The following EYS variants were observed in gnomAD, a reference collection of about 807,000 sequenced individuals.
EYS encodes the protein EGF-like photoreceptor maintenance factor.
A neutral mutation model predicts 282.1 loss-of-function variants in EYS; 250 were observed. That is an observed-to-expected ratio of 0.89 (90% confidence interval 0.80 to 0.98). EYS has a LOEUF of 0.98. Ranked by LOEUF, EYS falls within the 50% of genes least tolerant of loss-of-function variation. EYS has a pLI of 0.00. For synonymous variants in EYS, 1,355 were observed against 1,282.9 expected (o/e 1.06, Z -1.20); for missense variants, 4,016 against 3,709.0 (o/e 1.08, Z -2.15).
chr6:65,574,316 A>G (rs1764582659), intron 2 of EYS, among the ~76,000 whole-genome samples: 1 of 152,160 alleles, frequency 6.6e-6, no homozygotes, highest in Non-Finnish European at 1.5e-5. Flanking sequence ...CTACACAAAG[A>G]CACGATATAA....
At chr6:65,400,389 C>T (rs889682554) in intron 7 of EYS, among the ~76,000 whole-genome samples, 1 of 151,960 alleles carries the variant, frequency 6.6e-6, no homozygotes, top group African/African-American at 2.4e-5. Context: ...TTCTATCTGT[C>T]TGATACCTCC....
chr6:65,086,027 CTT>C lies in EYS; in HGVS notation c.2024-28302_2024-28301del, dbSNP rs35717731. Among the ~76,000 whole-genome samples the C allele has an allele frequency of 2.3e-3, 323 of 137,546 alleles. 3 individuals carry two copies. Among genetic ancestry groups the C allele is most frequent in the African/African-American group, 7.0e-3 (242 of 34,634 alleles). The allele number at this position is 137,546 out of a possible 152,430, so 90.2% of individuals were successfully genotyped here. Reference sequence around the variant, plus strand: ...GCTTAATGTATCCTCACCTTCTCCTCTTTTTTTTTTTTTTTAAATCCTTCTCT... The same window carrying C: ...GCTTAATGTATCCTCACCTTCTCCTCTTTTTTTTTTTTTAAATCCTTCTCT... On this transcript the variant is annotated intron_variant, in intron 12 of 42. Coordinates refer to ENST00000503581, the MANE Select transcript of EYS (RefSeq NM_001142800.2).
chr6:64,933,435 T>C (rs1448722140), intron 15 of EYS, among the ~76,000 whole-genome samples: 2 of 152,080 alleles, frequency 1.3e-5, no homozygotes, highest in African/African-American at 4.8e-5. Flanking sequence ...CACAATGAGA[T>C]ACCATTTCAC....
intron 2 of EYS, among the ~76,000 whole-genome samples, chr6:65,555,497 GA>G (rs1405259383): frequency 6.6e-6 from 1 of 151,880 alleles, no homozygotes; most frequent in Non-Finnish European, 1.5e-5. Flanking sequence ...ATTTATTCAA[GA>G]AAAATGTTTA....
In EYS at chr6:63,747,468, G is replaced by T. The variant is rs568444327; in HGVS notation, c.8071+14993C>A. On this transcript the variant is annotated intron_variant, in intron 41 of 42. Coordinates refer to ENST00000503581, the MANE Select transcript of EYS (RefSeq NM_001142800.2). ...CTGTAGATGTCTATTAGGTCCTCTT[G>T]CTCCAGAGCTAAGTTCAAGTCCTGA... Among the ~76,000 whole-genome samples, 7 of 152,266 alleles carry T rather than the reference G, an allele frequency of 4.6e-5. No individual in the cohort carries two copies. The South Asian group carries it at 1.5e-3, about 32-fold the overall frequency.
chr6:65,682,804 A>G (rs1768882915), intron 1 of EYS, among the ~76,000 whole-genome samples: 1 of 151,982 alleles, frequency 6.6e-6, no homozygotes, highest in East Asian at 1.9e-4. Flanking sequence ...AAGGCCATGT[A>G]TATAGTAAAA....
chr6:64,891,303 A>G (rs555511696), intron 18 of EYS, among the ~76,000 whole-genome samples: 53 of 152,256 alleles, frequency 3.5e-4, no homozygotes, highest in African/African-American at 1.3e-3. Context: ...TTTACTCTAC[A>G]ACAGAGCAAC....
intron 26 of EYS, among the ~76,000 whole-genome samples, chr6:64,589,781 G>C (rs1454984763): frequency 1.3e-5 from 2 of 151,790 alleles, no homozygotes; most frequent in Non-Finnish European, 2.9e-5. Flanking sequence ...ATAGAGGATA[G>C]GAAATCTCAA....
At chr6:64,646,661 C>T (rs1308916750) in intron 22 of EYS, among the ~76,000 whole-genome samples, 1 of 151,882 alleles carries the variant, frequency 6.6e-6, no homozygotes, top group Non-Finnish European at 1.5e-5. Flanking sequence ...AAAACATTAG[C>T]CGGGCGTGGT....
At chr6:64,657,053 A>G (rs527477762) in intron 22 of EYS, among the ~76,000 whole-genome samples, 55 of 152,264 alleles carry the variant, frequency 3.6e-4, no homozygotes, top group South Asian at 3.1e-3. Context: ...TTGGGTGCAT[A>G]TATATTTAGG....
chr6:64,358,402 C>T (rs532742997), intron 29 of EYS, among the ~76,000 whole-genome samples: 1 of 151,600 alleles, frequency 6.6e-6, no homozygotes, highest in Non-Finnish European at 1.5e-5. Flanking sequence ...AATACATCAC[C>T]AAAGTGCTCT....
intron 19 of EYS, among the ~76,000 whole-genome samples, chr6:64,861,284 C>T (rs551302355): frequency 6.6e-6 from 1 of 152,210 alleles, no homozygotes; most frequent in Non-Finnish European, 1.5e-5. Flanking sequence ...CTCCCCTGAG[C>T]ATGCCCACAC....
intron 22 of EYS, among the ~76,000 whole-genome samples, chr6:64,810,087 ATGAG>A (rs2150013839): frequency 7.0e-6 from 1 of 142,558 alleles, no homozygotes; most frequent in Non-Finnish European, 1.6e-5. Context: ...AGACTGCAGA[ATGAG>A]TGAATCAGTA....
chr6:64,623,032 T>C (rs1767498468), intron 23 of EYS, among the ~76,000 whole-genome samples: 1 of 152,186 alleles, frequency 6.6e-6, no homozygotes, highest in Admixed American at 6.6e-5. Context: ...GGAGACTTCC[T>C]GAGAATTCTC....
intron 22 of EYS, among the ~76,000 whole-genome samples, chr6:64,766,095 T>G (rs2149982036): frequency 6.6e-6 from 1 of 151,470 alleles, no homozygotes; most frequent in Admixed American, 6.6e-5. Context: ...CCCAGCTAAC[T>G]CTTTGTATTT....
intron 10 of EYS, among the ~76,000 whole-genome samples, chr6:65,341,705 A>G (rs1770205623): frequency 6.6e-6 from 1 of 151,218 alleles, no homozygotes; most frequent in African/African-American, 2.4e-5. Context: ...ATGTGTTTGA[A>G]AATAGGTTTT....
At chr6:64,942,448 T>C (rs375458323) in intron 15 of EYS, among the ~76,000 whole-genome samples, 2,137 of 142,890 alleles carry the variant, frequency 0.015, 57 homozygotes, top group African/African-American at 0.054. Flanking sequence ...TTTGAAAGCA[T>C]AAACAAGATT....
chr6:63,878,595 C>T (rs1773042655), intron 35 of EYS, among the ~76,000 whole-genome samples: 1 of 152,200 alleles, frequency 6.6e-6, no homozygotes, highest in African/African-American at 2.4e-5. Context: ...CAGAAGCAGG[C>T]AGGCCTCCTT....
intron 29 of EYS, among the ~76,000 whole-genome samples, chr6:64,386,639 T>A (rs771615873): frequency 1.3e-5 from 2 of 152,192 alleles, no homozygotes; most frequent in Admixed American, 1.3e-4. Flanking sequence ...GTTTTCCCTA[T>A]AAATAATCCT....
Sources: gnomAD v4.1 joint callset for allele counts (sites outside exome capture counted in the v4.1 genomes callset) on GRCh38, gnomAD v4.1.1 for gene constraint, MANE v1.5 for transcripts, NCBI Gene and HGNC (gene_info 2026-07-23, HGNC 2026-07-21) for gene names.